WDR70: variants seen among roughly 807,000 people sequenced by gnomAD.
WDR70 encodes the protein WD repeat-containing protein 70.
WDR70 carries 53 observed loss-of-function variants against 88.6 expected under a neutral mutation model. The ratio of observed to expected loss-of-function variants is 0.60; its 90% CI spans 0.48 to 0.75. The LOEUF (loss-of-function observed/expected upper bound fraction) is 0.75. WDR70 is among the 30% of genes least tolerant of loss of function. WDR70 has a pLI of 0.00. For missense variants in WDR70, 610 were observed against 823.2 expected (o/e 0.74, Z 3.17); for synonymous variants, 280 against 270.0 (o/e 1.04, Z -0.36).
intron 7 of WDR70, among the ~76,000 whole-genome samples, chr5:37,463,623 C>T (rs536283560): frequency 6.6e-6 from 1 of 152,338 alleles, no homozygotes; most frequent in Non-Finnish European, 1.5e-5. Context: ...CCTCTGGTGT[C>T]AAGAGTTACT....
chr5:37,626,063 C>T (rs1744657938), intron 10 of WDR70, among the ~76,000 whole-genome samples: 1 of 146,120 alleles, frequency 6.8e-6, no homozygotes, highest in South Asian at 2.2e-4. Context: ...ATCATGTCAT[C>T]TGCAAACAGG....
chr5:37,553,008 G>A (rs1389610174), intron 9 of WDR70, among the ~76,000 whole-genome samples: 9 of 152,280 alleles, frequency 5.9e-5, no homozygotes, highest in East Asian at 1.9e-4. Context: ...GCTCAGACTC[G>A]CCTGAGAAAG....
intron 8 of WDR70, among the ~76,000 whole-genome samples, chr5:37,509,940 T>C (rs1294046049): frequency 2.0e-5 from 3 of 152,030 alleles, no homozygotes; most frequent in Admixed American, 2.0e-4. Flanking sequence ...GCTTGCCTTG[T>C]AGTCCCAACT....
chr5:37,446,520 T>G (rs1169340524), intron 7 of WDR70, among the ~76,000 whole-genome samples: 2 of 152,260 alleles, frequency 1.3e-5, no homozygotes, highest in South Asian at 4.2e-4. Context: ...GGAGGCATCA[T>G]GCTACCTGAC....
chr5:37,633,368 T>TA, intron 10 of WDR70, among the ~76,000 whole-genome samples: 1 of 152,278 alleles, frequency 6.6e-6, no homozygotes, highest in South Asian at 2.1e-4. Context: ...TATTCTATAC[T>TA]ATATTTATGT....
chr5:37,524,259 C>G (rs1741188685), intron 9 of WDR70, among the ~76,000 whole-genome samples: 1 of 152,114 alleles, frequency 6.6e-6, no homozygotes, highest in African/African-American at 2.4e-5. Flanking sequence ...AAAGGGAAGC[C>G]CATCAGAATA....
At chr5:37,424,502 T>C (rs1463642940) in intron 5 of WDR70, among the ~76,000 whole-genome samples, 1 of 151,634 alleles carries the variant, frequency 6.6e-6, no homozygotes, top group Non-Finnish European at 1.5e-5. Flanking sequence ...GCTTCCAGGC[T>C]CAAGTGATCC....
At chr5:37,426,913 A>T (rs1750141855) in intron 5 of WDR70, among the ~76,000 whole-genome samples, 1 of 151,876 alleles carries the variant, frequency 6.6e-6, no homozygotes, top group Non-Finnish European at 1.5e-5. Context: ...GTAGCTGGGA[A>T]TACGGGTGTG....
At chr5:37,581,550 AG>A (rs1743216876) in intron 9 of WDR70, among the ~76,000 whole-genome samples, 1 of 152,178 alleles carries the variant, frequency 6.6e-6, no homozygotes, top group Non-Finnish European at 1.5e-5. Context: ...AAGTCCAAGC[AG>A]AACCTAAAAA....
At chr5:37,427,405 A>T (rs1361103630) in intron 5 of WDR70, among the ~76,000 whole-genome samples, 7 of 152,226 alleles carry the variant, frequency 4.6e-5, no homozygotes, top group South Asian at 2.1e-4. Context: ...AAAAAATAAA[A>T]AAAAAAAGAA....
At chr5:37,446,317 A>AT (rs1738474823) in intron 7 of WDR70, among the ~76,000 whole-genome samples, 1 of 152,244 alleles carries the variant, frequency 6.6e-6, no homozygotes, top group Non-Finnish European at 1.5e-5. Context: ...AGAACATTCC[A>AT]TGCTCATGGA....
chr5:37,457,305 AG>A (rs1256730907), intron 7 of WDR70, among the ~76,000 whole-genome samples: 3 of 152,182 alleles, frequency 2.0e-5, no homozygotes, highest in Non-Finnish European at 1.5e-5. Context: ...CATGTTGGCC[AG>A]GCTGGTCTCC....
chr5:37,533,600 G>T (rs565237420), intron 9 of WDR70, among the ~76,000 whole-genome samples: 1 of 152,142 alleles, frequency 6.6e-6, no homozygotes, highest in East Asian at 1.9e-4. Flanking sequence ...GGTTACCTGG[G>T]CAAGTAGAGA....
intron 10 of WDR70, among the ~76,000 whole-genome samples, chr5:37,626,178 T>G (rs1369715170): frequency 6.6e-6 from 1 of 152,148 alleles, no homozygotes; most frequent in Non-Finnish European, 1.5e-5. Context: ...AATACTGAGA[T>G]TGGGAGTCTT....
intron 10 of WDR70, among the ~76,000 whole-genome samples, chr5:37,610,434 C>CA (rs899438434): frequency 9.0e-4 from 132 of 146,218 alleles, no homozygotes; most frequent in Admixed American, 2.3e-3. Flanking sequence ...ATGTGCTTTT[C>CA]AAAAAAAAAA....
chr5:37,514,643 C>T, intron 8 of WDR70, among the ~76,000 whole-genome samples: 1 of 151,826 alleles, frequency 6.6e-6, no homozygotes, highest in Non-Finnish European at 1.5e-5. Flanking sequence ...TGAGAACATG[C>T]AGTGTTTGGT....
chr5:37,448,473 C>T (rs958764303), intron 7 of WDR70, among the ~76,000 whole-genome samples: 6 of 152,052 alleles, frequency 3.9e-5, no homozygotes, highest in South Asian at 2.1e-4. Context: ...AAAATATAGA[C>T]GCGTATGTAT....
Position 37,488,047 on chromosome 5 carries a change from A to G in WDR70, c.840+8060A>G, listed in dbSNP as rs550383869. On this transcript the variant is annotated intron_variant, in intron 8 of 17. Coordinates refer to ENST00000265107, the MANE Select transcript of WDR70 (RefSeq NM_018034.4). ...AGAAAGACTTTATTTCTCCTTCATT[A>G]TAACTGCTGAGTGTACTAGTCTTGG... Among the ~76,000 whole-genome samples, 161 of 145,908 alleles carry G rather than the reference A, an allele frequency of 1.1e-3. 1 individual carries two copies. Among genetic ancestry groups the G allele is most frequent in the African/African-American group, 3.9e-3 (153 of 39,716 alleles).
intron 10 of WDR70, among the ~76,000 whole-genome samples, chr5:37,688,385 G>A (rs1035376948): frequency 6.6e-5 from 10 of 152,276 alleles, no homozygotes; most frequent in African/African-American, 2.2e-4. Context: ...TATCACTCAT[G>A]AAATGATAGG....
Sources: gnomAD v4.1 joint callset for allele counts (sites outside exome capture counted in the v4.1 genomes callset) on GRCh38, gnomAD v4.1.1 for gene constraint, MANE v1.5 for transcripts, NCBI Gene and HGNC (gene_info 2026-07-23, HGNC 2026-07-21) for gene names.